Variants in MAPT observed in about 807,000 individuals in gnomAD.
The protein encoded by MAPT is microtubule-associated protein tau.
MAPT carries 34 observed loss-of-function variants against 67.9 expected under a neutral mutation model. The ratio of observed to expected loss-of-function variants is 0.50; its 90% CI spans 0.38 to 0.67. MAPT has a LOEUF of 0.67. MAPT is among the 30% of genes least tolerant of loss of function. The pLI is 0.00. For missense variants in MAPT, 881 were observed against 1,115.2 expected, an observed-to-expected ratio of 0.79 and a Z score of 2.99; for synonymous variants, 456 against 464.5, an observed-to-expected ratio of 0.98 and a Z score of 0.23.
At chr17:45,924,963 A>C (rs1046539535) in intron 1 of MAPT, among the ~76,000 whole-genome samples, 1 of 151,998 alleles carries the variant, frequency 6.6e-6, no homozygotes, top group Non-Finnish European at 1.5e-5. Context: ...GGAAGGGAGG[A>C]CTATAGACCC....
At chr17:45,949,469 C>G (rs1458204459) in intron 1 of MAPT, among the ~76,000 whole-genome samples, 1 of 152,206 alleles carries the variant, frequency 6.6e-6, no homozygotes, top group Non-Finnish European at 1.5e-5. Context: ...TGGGAAGGCA[C>G]CCGTTTGATA....
At chr17:46,019,799 G>A (rs1336957667) in intron 12 of MAPT, among the ~76,000 whole-genome samples, 5 of 151,122 alleles carry the variant, frequency 3.3e-5, no homozygotes, top group Non-Finnish European at 7.4e-5. Context: ...ATGGCTTGAG[G>A]TCAGGAGTTC....
At chr17:45,978,222 C>T in intron 3 of MAPT, 153 bp from the exon 4 acceptor site, 1 of 714,294 alleles carries the variant, frequency 1.4e-6, no homozygotes, top group Non-Finnish European at 2.6e-6. Flanking sequence ...ATGACATTTG[C>T]AGAGAAGCCA....
At chr17:45,907,203 G>T (rs745666996) in intron 1 of MAPT, among the ~76,000 whole-genome samples, 1 of 152,084 alleles carries the variant, frequency 6.6e-6, no homozygotes, top group Non-Finnish European at 1.5e-5. Context: ...CTCCTTCATA[G>T]ATGCCGTGCT....
At chr17:45,985,637 A>G in intron 5 of MAPT, 1 of 984,214 alleles carries the variant, frequency 1.0e-6, no homozygotes, top group Non-Finnish European at 1.2e-6. Flanking sequence ...AACTTACTTG[A>G]TTCTACCTGC....
At chr17:45,926,984 T>C (rs1341017456) in intron 1 of MAPT, among the ~76,000 whole-genome samples, 12 of 151,454 alleles carry the variant, frequency 7.9e-5, no homozygotes, top group Admixed American at 5.9e-4. Context: ...TGTGTATATA[T>C]ATACACACAC....
intron 3 of MAPT, 149 bp from the exon 4 acceptor site, chr17:45,978,226 G>A (rs766890997): frequency 2.8e-6 from 2 of 725,924 alleles, no homozygotes; most frequent in Non-Finnish European, 2.5e-6. Context: ...CATTTGCAGA[G>A]AAGCCAGAGC....
chr17:45,926,127 C>T (rs956883843), intron 1 of MAPT, among the ~76,000 whole-genome samples: 1 of 151,912 alleles, frequency 6.6e-6, no homozygotes, highest in Non-Finnish European at 1.5e-5. Context: ...ATGAGAATTG[C>T]TTGAACCCAG....
rs927353213 is a variant in MAPT, at chr17:45,915,498, G to A, written c.-18+20812G>A. ...TGGTGTGTTGTGATATGTGTGTGGT[G>A]TGTGAGCATGTGTGTGTGATGTGTC... On this transcript the variant is annotated intron_variant, in intron 1 of 12. Transcript: ENST00000262410. The surrounding 1 kb of genome is among the most constrained non-coding windows in gnomAD (Gnocchi z 4.4). Among the ~76,000 whole-genome samples the A allele has an allele frequency of 6.0e-5, 9 of 151,094 alleles. No individual in the cohort carries two copies. Among genetic ancestry groups the A allele is most frequent in the African/African-American group, 1.7e-4 (7 of 41,036 alleles).
At chr17:45,944,475 C>A (rs1293228613) in intron 1 of MAPT, among the ~76,000 whole-genome samples, 1 of 152,186 alleles carries the variant, frequency 6.6e-6, no homozygotes. Context: ...TCTGTGTACC[C>A]GTGGGGATAG....
intron 1 of MAPT, among the ~76,000 whole-genome samples, chr17:45,946,615 A>AAATAT: frequency 1.1e-4 from 11 of 100,402 alleles, no homozygotes; most frequent in African/African-American, 4.8e-4. Flanking sequence ...AAAAAAAAAA[A>AAATAT]ATATATATAT....
rs754981824 is a variant in MAPT at position 45,996,637 on chromosome 17, C to T, written c.1971C>T (p.Asn657=). The change falls in exon 9 of 13, where the codon AAC becomes AAT. Residue 657 remains asparagine, a synonymous_variant. Transcript: ENST00000262410. The surrounding 1 kb of genome is among the most constrained non-coding windows in gnomAD (Gnocchi z 4.5). ...AGTCCAAGATCGGCTCCACTGAGAA[C>T]CTGAAGCACCAGCCGGGAGGCGGGA... ...NVKSKIGSTE[N]LKHQPGGGKV... The T allele has an allele frequency of 3.1e-6, 5 of 1,613,804 alleles. No individual in the cohort carries two copies. Among genetic ancestry groups the T allele is most frequent in the Admixed American group, 1.7e-5 (1 of 59,994 alleles).
At chr17:45,947,252 A>AGG (rs1470620115) in intron 1 of MAPT, among the ~76,000 whole-genome samples, 1 of 152,038 alleles carries the variant, frequency 6.6e-6, no homozygotes, top group African/African-American at 2.4e-5. Flanking sequence ...GGGACACAAA[A>AGG]GGAGACACAG....
At chr17:46,015,874 A>G (rs1397405919) in intron 11 of MAPT, among the ~76,000 whole-genome samples, 1 of 152,164 alleles carries the variant, frequency 6.6e-6, no homozygotes, top group Admixed American at 6.5e-5. Flanking sequence ...TTAAAAAAAT[A>G]TATTTTTTAA....
intron 11 of MAPT, 101 bp from the exon 12 acceptor site, chr17:46,018,516 TG>T: frequency 1.1e-6 from 1 of 894,980 alleles, no homozygotes; most frequent in Non-Finnish European, 1.9e-6. Flanking sequence ...CAGCAGCCCC[TG>T]GCACTTTGCC....
At chr17:45,946,225 C>T (rs1337178270) in intron 1 of MAPT, among the ~76,000 whole-genome samples, 1 of 151,986 alleles carries the variant, frequency 6.6e-6, no homozygotes, top group African/African-American at 2.4e-5. Context: ...CAGGGGCATT[C>T]GTGGACACAG....
intron 9 of MAPT, among the ~76,000 whole-genome samples, chr17:46,002,989 G>A (rs2075131832): frequency 6.6e-6 from 1 of 152,026 alleles, no homozygotes; most frequent in Admixed American, 6.6e-5. Flanking sequence ...TCACTGTGTC[G>A]CCCAGGATGG....
intron 9 of MAPT, among the ~76,000 whole-genome samples, chr17:45,997,502 AT>A (rs2074589779): frequency 6.6e-6 from 1 of 152,170 alleles, no homozygotes; most frequent in African/African-American, 2.4e-5. Flanking sequence ...GCTCACGCCT[AT>A]AATCCCAGCA....
At chr17:45,979,997 T>G (rs2072779708) in intron 4 of MAPT, 2 of 152,142 alleles carry the variant, frequency 1.3e-5, no homozygotes, top group African/African-American at 4.8e-5. Context: ...CTGTTGAGAG[T>G]AAGCTATGGG....
Sources: gnomAD v4.1 joint callset for allele counts (sites outside exome capture counted in the v4.1 genomes callset) on GRCh38, gnomAD v4.1.1 for gene constraint, Gnocchi (gnomAD v3.1) non-coding constraint, MANE v1.5 for transcripts, NCBI Gene and HGNC (gene_info 2026-07-23, HGNC 2026-07-21) for gene names.